The following IL7 variants were observed in gnomAD, a reference collection of about 807,000 sequenced individuals.
IL7 encodes the protein interleukin-7.
IL7 carries 3 observed loss-of-function variants against 21.6 expected under a neutral mutation model. That is an observed-to-expected ratio of 0.14 (90% CI 0.06 to 0.36). IL7 has a LOEUF of 0.36. Among genes scored for constraint, IL7 ranks in the 10% least tolerant of loss-of-function variants. The pLI is 1.00. For missense variants in IL7, 175 were observed against 200.2 expected (o/e 0.87, Z 0.76); for synonymous variants, 62 against 68.1 (o/e 0.91, Z 0.44).
Position 78,804,965 on chromosome 8 carries a change from G to C in IL7, c.-43C>G. 6.2e-7 allele frequency: 1 copy of C among 1,604,176 alleles called. No individual in the cohort carries two copies. The highest frequency in any genetic ancestry group is 8.5e-7 in the Non-Finnish European group (1 of 1,174,028). On this transcript the variant is annotated 5_prime_UTR_variant, in exon 1 of 6. Coordinates refer to ENST00000263851, the MANE Select transcript of IL7 (RefSeq NM_000880.4). ...CGTAGTCATGATGACCGCAACTGGA[G>C]CAGGAGCAAGCTCTCACCGCCCATA...
chr8:78,767,640 TTG>T (rs1812797825), intron 2 of IL7, among the ~76,000 whole-genome samples: 1 of 152,126 alleles, frequency 6.6e-6, no homozygotes, highest in African/African-American at 2.4e-5. Context: ...CAAGTTATTT[TTG>T]TGTTTTAATA....
chr8:78,705,646 C>G (rs1296934536), intron 3 of IL7, among the ~76,000 whole-genome samples: 1 of 152,144 alleles, frequency 6.6e-6, no homozygotes, highest in East Asian at 1.9e-4. Flanking sequence ...TCTGGGTCGG[C>G]ATGGGCTCTC....
chr8:78,721,108 G>C (rs1016699608), exon 5 of IL7: 1 of 151,940 alleles, frequency 6.6e-6, no homozygotes, highest in Non-Finnish European at 1.5e-5. Context: ...CCCTCAAGTT[G>C]ATACAATTTA....
intron 3 of IL7, among the ~76,000 whole-genome samples, chr8:78,739,783 T>C (rs1274596244): frequency 6.6e-6 from 1 of 150,900 alleles, no homozygotes; most frequent in Non-Finnish European, 1.5e-5. Context: ...AGGTAAAAAA[T>C]AGAATGGTGA....
chr8:78,784,707 G>T (rs1160907805), intron 2 of IL7, among the ~76,000 whole-genome samples: 2 of 151,852 alleles, frequency 1.3e-5, no homozygotes, highest in Non-Finnish European at 2.9e-5. Flanking sequence ...GATAATTTGA[G>T]ACAGTAGCAA....
intron 2 of IL7, among the ~76,000 whole-genome samples, chr8:78,786,490 CTACTGTGCTA>C (rs1813514405): frequency 6.6e-6 from 1 of 152,210 alleles, no homozygotes; most frequent in Non-Finnish European, 1.5e-5. Flanking sequence ...TTACTGAACA[CTACTGTGCTA>C]TACCTTTATA....
chr8:78,788,161 T>C (rs984669595), intron 2 of IL7, among the ~76,000 whole-genome samples: 1 of 152,168 alleles, frequency 6.6e-6, no homozygotes, highest in African/African-American at 2.4e-5. Context: ...GTGGTCAGCC[T>C]GGCTGGAGGC....
chr8:78,683,032 GC>G (rs1211986259), intron 4 of IL7, among the ~76,000 whole-genome samples: 1 of 152,184 alleles, frequency 6.6e-6, no homozygotes, highest in East Asian at 1.9e-4. Flanking sequence ...CAAAAGATGG[GC>G]TCCCATGGCC....
intron 2 of IL7, among the ~76,000 whole-genome samples, chr8:78,785,616 A>T (rs551793188): frequency 2.0e-5 from 3 of 152,300 alleles, no homozygotes; most frequent in African/African-American, 4.8e-5. Flanking sequence ...GTGAAGTACA[A>T]ATGAAAGTTT....
At chr8:78,712,370 T>C (rs2953477) in intron 3 of IL7, among the ~76,000 whole-genome samples, 100,843 of 151,894 alleles carry the variant, frequency 0.66, 34,836 homozygotes, top group East Asian at 0.9. Flanking sequence ...CAGTCACATT[T>C]AATAATTATT....
intron 2 of IL7, among the ~76,000 whole-genome samples, chr8:78,746,402 G>A (rs1032943252): frequency 1.3e-5 from 2 of 152,232 alleles, no homozygotes; most frequent in Non-Finnish European, 2.9e-5. Context: ...CACCACATGA[G>A]TTTCTCCACA....
At chr8:78,728,651 A>G (rs561777629), downstream of IL7, among the ~76,000 whole-genome samples, 2 of 152,012 alleles carry the variant, frequency 1.3e-5, no homozygotes, top group Non-Finnish European at 2.9e-5. Flanking sequence ...AAACTATACA[A>G]CTTCTAGAGC....
At chr8:78,760,771 G>T (rs1312447405) in intron 2 of IL7, 1 of 1,535,312 alleles carries the variant, frequency 6.5e-7, no homozygotes, top group African/African-American at 1.4e-5. Flanking sequence ...ATTTCCCAGG[G>T]AGTTTCATTT....
At chr8:78,782,195 C>T (rs1320999192) in intron 2 of IL7, among the ~76,000 whole-genome samples, 1 of 152,136 alleles carries the variant, frequency 6.6e-6, no homozygotes, top group Non-Finnish European at 1.5e-5. Flanking sequence ...TATTACCCAC[C>T]TTCTGAAGCC....
intron 1 of IL7, among the ~76,000 whole-genome samples, chr8:78,803,284 C>T (rs748314618): frequency 6.6e-6 from 1 of 152,160 alleles, no homozygotes; most frequent in Non-Finnish European, 1.5e-5. Context: ...CTGCCTCAGC[C>T]TCCCGAGTAG....
intron 1 of IL7, 28 bp from the exon 2 acceptor site, chr8:78,798,236 C>T (rs1186620147): frequency 6.4e-7 from 1 of 1,552,096 alleles, no homozygotes; most frequent in Non-Finnish European, 8.9e-7. Flanking sequence ...TAAGAATGAG[C>T]TAAATGTTAT....
intron 3 of IL7, among the ~76,000 whole-genome samples, chr8:78,687,368 ATATAG>A (rs1308642307): frequency 4.0e-5 from 6 of 150,846 alleles, no homozygotes; most frequent in African/African-American, 1.5e-4. Context: ...TAGAGGAGAG[ATATAG>A]TATATCTACA....
intron 2 of IL7, among the ~76,000 whole-genome samples, chr8:78,748,612 G>T (rs1344196877): frequency 6.6e-6 from 1 of 152,150 alleles, no homozygotes; most frequent in African/African-American, 2.4e-5. Flanking sequence ...ATTGAGATAG[G>T]AAATAGAAGA....
chr8:78,705,454 G>A (rs746176020), intron 3 of IL7, among the ~76,000 whole-genome samples: 1 of 152,156 alleles, frequency 6.6e-6, no homozygotes, highest in African/African-American at 2.4e-5. Context: ...CTCCTCCTGG[G>A]AGCTTCATTT....
Sources: gnomAD v4.1 joint callset for allele counts (sites outside exome capture counted in the v4.1 genomes callset) on GRCh38, gnomAD v4.1.1 for gene constraint, MANE v1.5 for transcripts, NCBI Gene and HGNC (gene_info 2026-07-23, HGNC 2026-07-21) for gene names.